The following GABBR1 variants were observed in gnomAD, a reference collection of about 807,000 sequenced individuals.
The protein encoded by GABBR1 is GABA-B receptor, R1 subunit.
In GABBR1, 35 loss-of-function variants were observed where a neutral mutation model predicts 117.7. The observed-to-expected ratio is 0.30, with a 90% CI of 0.23 to 0.39. The LOEUF (loss-of-function observed/expected upper bound fraction) is 0.39, where lower values mean the gene tolerates loss of function less well. Ranked by LOEUF, GABBR1 falls within the 10% of genes least tolerant of loss-of-function variation. GABBR1 has a pLI of 1.00. For missense variants in GABBR1, 709 were observed against 1,241.8 expected (o/e 0.57, Z 6.45); for synonymous variants, 442 against 486.6 (o/e 0.91, Z 1.21).
intron 16 of GABBR1, chr6:29,608,364 C>A: frequency 2.1e-6 from 1 of 465,498 alleles, no homozygotes. Context: ...CTCTGCAAGG[C>A]CTGCCATGGC....
rs1014270097 is a variant in GABBR1, at chr6:29,605,909, C to A, written c.2312-213G>T. ...CCACATCACTTTTTCCTGGGATTCA[C>A]ACAGGAAAGCAATGGTGGCAAGCTG... On this transcript the variant is annotated intron_variant, in intron 19 of 22. Transcript: ENST00000377034. This position sits in a 1 kb window ranked among gnomAD's most constrained non-coding sequence, Gnocchi z 4.2. 2 of 595,542 alleles carry A rather than the reference C, an allele frequency of 3.4e-6. No individual in the cohort carries two copies. The allele number at this position is 595,542 out of a possible 1,614,324, so 36.9% of individuals were successfully genotyped here.
At chr6:29,624,643 G>C (rs373977344) in intron 6 of GABBR1, among the ~76,000 whole-genome samples, 2 of 152,080 alleles carry the variant, frequency 1.3e-5, no homozygotes, top group South Asian at 4.2e-4. Flanking sequence ...AAAGACACTG[G>C]GGGGTGGAAG....
chr6:29,602,692 T>G lies in GABBR1; in HGVS notation c.*851A>C. ...AAGGGAAGAAAGTACACAAGGTACA[T>G]GGAGGGTACACAGGGAAAGTACATG... On this transcript the variant is annotated 3_prime_UTR_variant, in exon 23 of 23. Transcript: ENST00000377034. The G allele has an allele frequency of 3.2e-6, 1 of 315,730 alleles. No individual in the cohort carries two copies. Among genetic ancestry groups the G allele is most frequent in the Non-Finnish European group, 6.1e-6 (1 of 163,414 alleles). The allele number at this position is 315,730 out of a possible 1,614,324, so 19.6% of individuals were successfully genotyped here. A position where few individuals can be genotyped will look rare whatever the true frequency, so the allele number is the denominator to read the frequency against.
intron 5 of GABBR1, chr6:29,628,039 C>G: frequency 1.8e-6 from 2 of 1,088,204 alleles, no homozygotes; most frequent in Non-Finnish European, 2.2e-6. Context: ...GGAGGAGGAG[C>G]AGGAGGGAGA....
intron 4 of GABBR1, chr6:29,629,360 G>A: frequency 4.6e-6 from 3 of 652,336 alleles, no homozygotes; most frequent in South Asian, 1.7e-5. Flanking sequence ...GCTAAGTTTG[G>A]GGCAGATCTT....
chr6:29,604,557 G>A lies in GABBR1; in HGVS notation c.2649C>T (p.Asn883=), dbSNP rs753549467. The A allele has an allele frequency of 3.0e-5, 48 of 1,613,080 alleles. No individual in the cohort carries two copies. Among genetic ancestry groups the A allele is most frequent in the African/African-American group, 1.5e-4 (11 of 74,892 alleles). ...CCAACAGCCGGGACTTCTCCTCCTC[G>A]TTGTTGTTGGTCGATGACCCTGTCT... ...TMKTGSSTNN[N]EEEKSRLLEK... The change falls in exon 22 of 23, where the codon AAC becomes AAT. Residue 883 remains asparagine, a synonymous_variant. Transcript: ENST00000377034. This position sits in a 1 kb window ranked among gnomAD's most constrained non-coding sequence, Gnocchi z 5.3.
Position 29,606,816 on chromosome 6 carries a change from A to T in GABBR1, c.2217+81T>A, listed in dbSNP as rs1471956395. 3.5e-6 allele frequency: 4 copies of T among 1,157,392 alleles called. No individual in the cohort carries two copies. The highest frequency in any genetic ancestry group is 5.1e-6 in the Non-Finnish European group (4 of 785,040). 71.7% of individuals were successfully genotyped at this position (1,157,392 alleles called of 1,614,324 possible). A position where few individuals can be genotyped will look rare whatever the true frequency, so the allele number is the denominator to read the frequency against. On this transcript the variant is annotated intron_variant, in intron 18 of 22. Transcript: ENST00000377034. This position sits in a 1 kb window ranked among gnomAD's most constrained non-coding sequence, Gnocchi z 4.5. ...TCTCTCCAAGTAGCTTCATCCCTCA[A>T]GACACACACAGCCCCAGGGCCCTGA...
At chr6:29,628,186 C>T in intron 5 of GABBR1, 1 of 150,286 alleles carries the variant, frequency 6.7e-6, no homozygotes, top group Non-Finnish European at 7.4e-6. Flanking sequence ...GTCGGAGGGG[C>T]GGGGAGGGGA....
rs767733339 is a variant in GABBR1, at chr6:29,606,908, G to C, written c.2206C>G (p.Arg736Gly). 6.2e-7 allele frequency: 1 copy of C among 1,613,704 alleles called. No individual in the cohort carries two copies. Among genetic ancestry groups the C allele is most frequent in the Non-Finnish European group, 8.5e-7 (1 of 1,179,620 alleles). The change falls in exon 18 of 23, where the codon CGG becomes GGG. Residue 736 changes from arginine (R) to glycine (G), a missense_variant. This residue lies in a region of GABBR1 where 251 missense variants were observed against 445.3 expected (regional missense o/e 0.56). Coordinates refer to ENST00000377034, the MANE Select transcript of GABBR1 (RefSeq NM_001470.4). The surrounding 1 kb of genome is among the most constrained non-coding windows in gnomAD (Gnocchi z 4.5). ...AIWQIVDPLH[R>G]TIETFAKEEP... ...CTCTCCAGTGGTACCTCAATGGTCCGGTGCAGAGGGTCCACGATCTGCCAG... is the reference window on the plus strand; with the variant it reads ...CTCTCCAGTGGTACCTCAATGGTCCCGTGCAGAGGGTCCACGATCTGCCAG...
In GABBR1 at chr6:29,624,043, T is replaced by C. The variant is rs1764024126; in HGVS notation, c.658-19A>G. ...GATCACACTGAAAGACAAGAGGAGA[T>C]GAGGGCAAGCTCTCCTGGGGCCCCT... On this transcript the variant is annotated intron_variant, in intron 6 of 22. Coordinates refer to ENST00000377034, the MANE Select transcript of GABBR1 (RefSeq NM_001470.4). The C allele has an allele frequency of 1.2e-6, 2 of 1,600,488 alleles. No homozygotes were observed. The highest frequency in any genetic ancestry group is 8.5e-7 in the Non-Finnish European group (1 of 1,171,688).
At position 29,621,616 on chromosome 6, in the gene GABBR1, C is replaced by T. The variant is rs1013293112; in HGVS notation, c.1131+136G>A. 1.2e-5 allele frequency: 9 copies of T among 764,738 alleles called. No individual in the cohort carries two copies. The highest frequency in any genetic ancestry group is 1.8e-5 in the Non-Finnish European group (8 of 445,202). 47.4% of individuals were successfully genotyped at this position (764,738 alleles called of 1,614,324 possible). ...AGACAAGGGATGCAGTCAGAGCCAA[C>T]AGACAGAGACATCCTATGAATCGTC... On this transcript the variant is annotated intron_variant, in intron 10 of 22. Coordinates refer to ENST00000377034, the MANE Select transcript of GABBR1 (RefSeq NM_001470.4). This position sits in a 1 kb window ranked among gnomAD's most constrained non-coding sequence, Gnocchi z 5.0.
In GABBR1 at chr6:29,613,340, C is replaced by T. The variant is rs780190021; in HGVS notation, c.1469G>A (p.Arg490His). The part of the protein sequence containing the change: ...ALNKTSGGGG[R>H]SGVRLEDFNY... ...GAAGTCCTCCAGGCGCACACCAGAA[C>T]GGCCGCCTCCTCCAGATGTCTTGTT... Residue 490 changes from arginine to histidine, a missense_variant, in exon 12 of 23, where the codon CGT (arginine) becomes CAT (histidine). Transcript: ENST00000377034. This position sits in a 1 kb window ranked among gnomAD's most constrained non-coding sequence, Gnocchi z 4.1. 115 of 1,612,972 alleles carry T rather than the reference C, an allele frequency of 7.1e-5. No homozygotes were observed. The highest frequency in any genetic ancestry group is 1.6e-4 in the Middle Eastern group (1 of 6,084).
chr6:29,627,354 C>T lies in GABBR1; in HGVS notation c.657+132G>A. On this transcript the variant is annotated intron_variant, in intron 6 of 22. Transcript: ENST00000377034. The surrounding 1 kb of genome is among the most constrained non-coding windows in gnomAD (Gnocchi z 4.4). ...AGCTCCTGCACCCCCAGCCCATCTC[C>T]TGCCAGTCACACAAGGGAGGGGTCT... 1.1e-6 allele frequency: 1 copy of T among 914,044 alleles called. No homozygotes were observed. Among genetic ancestry groups the T allele is most frequent in the South Asian group, 1.6e-5 (1 of 62,410 alleles). 56.6% of individuals were successfully genotyped at this position (914,044 alleles called of 1,614,324 possible). A position where few individuals can be genotyped will look rare whatever the true frequency, so the allele number is the denominator to read the frequency against.
chr6:29,615,652 C>A (rs1473566942), intron 11 of GABBR1, among the ~76,000 whole-genome samples: 2 of 150,672 alleles, frequency 1.3e-5, no homozygotes, highest in African/African-American at 4.9e-5. Flanking sequence ...AGGGGGCTCA[C>A]GCCTGTAATC....
chr6:29,631,265 G>A lies in GABBR1; in HGVS notation c.289+131C>T. The A allele has an allele frequency of 1.1e-6, 1 of 931,962 alleles. No homozygotes were observed. Among genetic ancestry groups the A allele is most frequent in the Non-Finnish European group, 1.7e-6 (1 of 602,560 alleles). The allele number at this position is 931,962 out of a possible 1,614,324, so 57.7% of individuals were successfully genotyped here. ...AGAGCAAAATTGCTCTTATGTAGTAGTCATTCAATAAATGTATTTGTGAAT... is the reference window on the plus strand; with the variant it reads ...AGAGCAAAATTGCTCTTATGTAGTAATCATTCAATAAATGTATTTGTGAAT... On this transcript the variant is annotated intron_variant, in intron 3 of 22. Transcript: ENST00000377034. The surrounding 1 kb of genome is among the most constrained non-coding windows in gnomAD (Gnocchi z 5.9).
chr6:29,621,000 T>C lies in GABBR1; in HGVS notation c.1323+101A>G. The C allele has an allele frequency of 1.0e-6, 1 of 980,054 alleles. No individual in the cohort carries two copies. Among genetic ancestry groups the C allele is most frequent in the Non-Finnish European group, 1.5e-6 (1 of 667,788 alleles). 60.7% of individuals were successfully genotyped at this position (980,054 alleles called of 1,614,324 possible). On this transcript the variant is annotated intron_variant, in intron 11 of 22. Coordinates refer to ENST00000377034, the MANE Select transcript of GABBR1 (RefSeq NM_001470.4). This position sits in a 1 kb window ranked among gnomAD's most constrained non-coding sequence, Gnocchi z 4.5. ...GCACAGCCCCCTCTTCTCCTTTATA[T>C]CCAAATTCCGCACCCTCTCCCTGCC...
In GABBR1 at chr6:29,604,456, A is replaced by T. The variant is rs1761739077; in HGVS notation, c.2712+38T>A. ...CCAAGCTAAGACGCAAGCCTCCTGGACCACTCCAACACCCTACCCTGACAC... is the reference window on the plus strand; with the variant it reads ...CCAAGCTAAGACGCAAGCCTCCTGGTCCACTCCAACACCCTACCCTGACAC... On this transcript the variant is annotated intron_variant, in intron 22 of 22. Transcript: ENST00000377034. This position sits in a 1 kb window ranked among gnomAD's most constrained non-coding sequence, Gnocchi z 5.3. 3 of 1,612,560 alleles carry T rather than the reference A, an allele frequency of 1.9e-6. No homozygotes were observed. The highest frequency in any genetic ancestry group is 2.2e-5 in the South Asian group (2 of 91,012).
At position 29,611,995 on chromosome 6, in the gene GABBR1, G is replaced by A. The variant is rs538539271; in HGVS notation, c.1630+556C>T. On this transcript the variant is annotated intron_variant, in intron 13 of 22. Coordinates refer to ENST00000377034, the MANE Select transcript of GABBR1 (RefSeq NM_001470.4). This position sits in a 1 kb window ranked among gnomAD's most constrained non-coding sequence, Gnocchi z 4.6. ...GAGAGTAGCTGTTTTTAATTTGCAT[G>A]TCTCTTTTCTTTTCTTTTTTCTTTG... is the stretch of plus-strand genomic sequence containing the variant. Among the ~76,000 whole-genome samples the A allele has an allele frequency of 1.1e-4, 16 of 152,082 alleles. No individual in the cohort carries two copies. The South Asian group carries it at 3.1e-3, about 30-fold the overall frequency.
Position 29,632,750 on chromosome 6 carries a change from C to T in GABBR1, c.-1+100G>A. ...CCCCGCGGTTCCTCCTCTCCCCCAG[C>T]CCCGCTTCCCCCAGCTGGGCCCTGC... On this transcript the variant is annotated intron_variant, in intron 1 of 22. Transcript: ENST00000377034. The surrounding 1 kb of genome is among the most constrained non-coding windows in gnomAD (Gnocchi z 5.8). 1 of 1,196,376 alleles carries T rather than the reference C, an allele frequency of 8.4e-7. No homozygotes were observed. The highest frequency in any genetic ancestry group is 1.1e-6 in the Non-Finnish European group (1 of 934,908). 74.1% of individuals were successfully genotyped at this position (1,196,376 alleles called of 1,614,324 possible). A position where few individuals can be genotyped will look rare whatever the true frequency, so the allele number is the denominator to read the frequency against.
Sources: allele counts gnomAD v4.1 joint callset (sites outside exome capture counted in the v4.1 genomes callset), GRCh38; gene constraint gnomAD v4.1.1; regional missense constraint gnomAD v4.1.1; non-coding constraint Gnocchi (gnomAD v3.1); transcripts MANE v1.5; gene names NCBI Gene and HGNC (gene_info 2026-07-23, HGNC 2026-07-21).